SRPRB: variants seen among roughly 807,000 people sequenced by gnomAD.
SRPRB encodes signal recognition particle receptor subunit beta.
In SRPRB, 20 loss-of-function variants were observed where a neutral mutation model predicts 31.9. That is an observed-to-expected ratio of 0.63 (90% CI 0.44 to 0.91). SRPRB has a LOEUF of 0.91. Ranked by LOEUF, SRPRB falls within the 40% of genes least tolerant of loss-of-function variation. The pLI, the probability that SRPRB is intolerant of heterozygous loss-of-function variation, is 0.00. For missense variants in SRPRB, 321 were observed against 324.9 expected (o/e 0.99, Z 0.09); for synonymous variants, 146 against 132.8 (o/e 1.10, Z -0.68).
In SRPRB at chr3:133,819,556, C is replaced by T. The variant is rs1935429976; in HGVS notation, c.606C>T (p.Asn202=). Residue 202 remains asparagine (N), a synonymous_variant, in exon 7 of 7, where the codon AAC becomes AAT. Transcript: ENST00000678299. ...LIQQQLEKEL[N]TLRVTRSAAP... ...CTTCTTTCCTTTTGCCCCACAGCAA[C>T]ACCTTACGAGTTACCCGTTCTGCTG... The T allele has an allele frequency of 4.3e-6, 7 of 1,610,866 alleles. No individual in the cohort carries two copies. Among genetic ancestry groups the T allele is most frequent in the Non-Finnish European group, 5.1e-6 (6 of 1,177,280 alleles).
chr3:133,807,798 C>A lies in SRPRB; in HGVS notation c.302C>A (p.Ala101Asp). 3.1e-6 allele frequency: 5 copies of A among 1,612,242 alleles called. No homozygotes were observed. Among genetic ancestry groups the A allele is most frequent in the Non-Finnish European group, 3.4e-6 (4 of 1,179,562 alleles). Residue 101 changes from alanine (A) to aspartate (D), a missense_variant, in exon 3 of 7, where the codon GCT (alanine) becomes GAT (aspartate). Physicochemically the swap from Ala to Asp is moderately radical, Grantham distance 126. Transcript: ENST00000678299. ...DTQTSITDSC[A>D]VYRVNNNRGN... ...CAGACGTCCATTACTGACAGCTGTGCTGTATACAGAGTCAACAATAACAGG... is the reference window on the plus strand; with the variant it reads ...CAGACGTCCATTACTGACAGCTGTGATGTATACAGAGTCAACAATAACAGG...
At chr3:133,789,684 C>T (rs939359880) in intron 1 of SRPRB, 1 of 152,136 alleles carries the variant, frequency 6.6e-6, no homozygotes, top group African/African-American at 2.4e-5. Flanking sequence ...GTTCACATGA[C>T]TTAAGTATAA....
chr3:133,819,198 T>G (rs1935421326), intron 6 of SRPRB, among the ~76,000 whole-genome samples: 1 of 152,192 alleles, frequency 6.6e-6, no homozygotes, highest in South Asian at 2.1e-4. Flanking sequence ...TTTCAGAAAC[T>G]TATGTTTTTA....
intron 1 of SRPRB, chr3:133,784,223 G>A (rs1576371586): frequency 1.3e-5 from 2 of 152,394 alleles, no homozygotes; most frequent in African/African-American, 4.8e-5. Flanking sequence ...AGACGCTGGT[G>A]CTGGAAAAGA....
chr3:133,818,785 AGTGTGTGTGTGTGTGTGTGTGT>A (rs146467727), intron 6 of SRPRB, among the ~76,000 whole-genome samples: 4 of 144,208 alleles, frequency 2.8e-5, no homozygotes, highest in Admixed American at 2.1e-4. Flanking sequence ...ATACTTTTAC[AGTGTGTGTGTGTGTGTGTGTGT>A]GTGTGTGTGT....
chr3:133,815,773 G>T (rs756394183), intron 5 of SRPRB, 47 bp downstream of exon 5: 1 of 1,594,106 alleles, frequency 6.3e-7, no homozygotes, highest in Non-Finnish European at 8.6e-7. Flanking sequence ...TTTGGGGATT[G>T]CTGCTACTAA....
intron 4 of SRPRB, among the ~76,000 whole-genome samples, chr3:133,813,541 ATACT>A (rs1423018834): frequency 5.3e-5 from 8 of 152,228 alleles, no homozygotes; most frequent in Non-Finnish European, 8.8e-5. Context: ...TTTGTCTAAA[ATACT>A]TACCTTTTCA....
intron 3 of SRPRB, among the ~76,000 whole-genome samples, chr3:133,809,159 A>G (rs1935215199): frequency 1.3e-5 from 2 of 151,676 alleles, no homozygotes; most frequent in African/African-American, 4.8e-5. Flanking sequence ...TGCCTGGCTA[A>G]TTTTTGTATT....
chr3:133,797,298 C>T (rs1934991422), intron 1 of SRPRB, among the ~76,000 whole-genome samples: 1 of 152,188 alleles, frequency 6.6e-6, no homozygotes, highest in Non-Finnish European at 1.5e-5. Flanking sequence ...AAAATCCCCC[C>T]TAAGCATTAC....
downstream of SRPRB, chr3:133,825,073 G>A (rs7626433): frequency 0.21 from 32,382 of 152,014 alleles, 3,905 homozygotes; most frequent in East Asian, 0.4. Flanking sequence ...ACGAGTGTGC[G>A]CACAATCTGC....
chr3:133,804,270 T>A (rs1445520103), upstream of SRPRB, among the ~76,000 whole-genome samples: 2 of 151,916 alleles, frequency 1.3e-5, no homozygotes, highest in Non-Finnish European at 2.9e-5. Flanking sequence ...GTTCCTCTCT[T>A]TTTCCTTGTC....
At position 133,819,856 on chromosome 3, in the gene SRPRB, C is replaced by T; in HGVS notation, c.*90C>T. 8.8e-7 allele frequency: 1 copy of T among 1,133,860 alleles called. No individual in the cohort carries two copies. 70.2% of individuals were successfully genotyped at this position (1,133,860 alleles called of 1,614,324 possible). A position where few individuals can be genotyped will look rare whatever the true frequency, so the allele number is the denominator to read the frequency against. On this transcript the variant is annotated 3_prime_UTR_variant, in exon 7 of 7. Transcript: ENST00000678299. ...GTCTGGAGTTGATGAGGAAGGGGTA[C>T]AAGATGTGGTTAGAAACATTTCTTT...
At chr3:133,807,861 A>G (rs1395481803) in intron 3 of SRPRB, 38 bp downstream of exon 3, 1 of 1,513,274 alleles carries the variant, frequency 6.6e-7, no homozygotes, top group South Asian at 1.2e-5. Flanking sequence ...TGACAGTCTT[A>G]CTTTACTGTG....
downstream of SRPRB, among the ~76,000 whole-genome samples, chr3:133,823,850 C>T (rs375617922): frequency 9.9e-5 from 15 of 152,218 alleles, no homozygotes; most frequent in African/African-American, 3.4e-4. Flanking sequence ...CTGAAAATCA[C>T]CAGAAGCATG....
intron 3 of SRPRB, among the ~76,000 whole-genome samples, chr3:133,808,566 T>TA (rs1185560068): frequency 6.6e-6 from 1 of 152,178 alleles, no homozygotes; most frequent in Non-Finnish European, 1.5e-5. Flanking sequence ...ATGGATATCT[T>TA]ACAGAGTATA....
downstream of SRPRB, chr3:133,828,111 C>G (rs903768559): frequency 1.6e-6 from 1 of 637,936 alleles, no homozygotes; most frequent in Admixed American, 2.3e-5. Context: ...AGCAGTTCCT[C>G]TGGGGGCTGC....
chr3:133,810,275 A>G (rs1559891251), intron 3 of SRPRB: 1 of 152,294 alleles, frequency 6.6e-6, no homozygotes, highest in Non-Finnish European at 1.5e-5. Flanking sequence ...TCTGTGCAGG[A>G]TACTGATTGC....
intron 2 of SRPRB, 76 bp downstream of exon 2, chr3:133,806,779 G>A: frequency 8.7e-7 from 1 of 1,143,520 alleles, no homozygotes; most frequent in Non-Finnish European, 1.3e-6. Flanking sequence ...TCATCTCACG[G>A]TTTATTTTGT....
At position 133,819,623 on chromosome 3, in the gene SRPRB, C is replaced by T; in HGVS notation, c.673C>T (p.Leu225=). 6.2e-7 allele frequency: 1 copy of T among 1,614,200 alleles called. No individual in the cohort carries two copies. The highest frequency in any genetic ancestry group is 8.5e-7 in the Non-Finnish European group (1 of 1,180,032). ...CAGTTCCAGCACTGCCCCTGCTCAG[C>T]TGGGGAAGAAAGGCAAAGAGTTTGA... The part of the protein sequence containing the change: ...LDSSSTAPAQ[L]GKKGKEFEFS... The change falls in exon 7 of 7, where the codon CTG becomes TTG. Residue 225 remains leucine, a synonymous_variant. Transcript: ENST00000678299.
Sources: gnomAD v4.1 joint callset for allele counts (sites outside exome capture counted in the v4.1 genomes callset) on GRCh38, gnomAD v4.1.1 for gene constraint, MANE v1.5 for transcripts, NCBI Gene and HGNC (gene_info 2026-07-23, HGNC 2026-07-21) for gene names.